The following SMG6 variants were observed in gnomAD, a reference collection of about 807,000 sequenced individuals.
The protein encoded by SMG6 is SMG6 nonsense mediated mRNA decay factor, also known as telomerase-binding protein EST1A.
SMG6 carries 66 observed loss-of-function variants against 142.2 expected under a neutral mutation model. That is an observed-to-expected ratio of 0.46 (90% CI 0.38 to 0.57). The LOEUF is 0.57. SMG6 is among the 20% of genes least tolerant of loss of function. SMG6 has a pLI of 0.00. For missense variants in SMG6, 1,793 were observed against 1,832.0 expected (o/e 0.98, Z 0.39); for synonymous variants, 779 against 702.4 (o/e 1.11, Z -1.72).
intron 13 of SMG6, among the ~76,000 whole-genome samples, chr17:2,119,460 C>G (rs2069614439): frequency 6.6e-6 from 1 of 152,014 alleles, no homozygotes. Context: ...TTCCATAGTG[C>G]TGGGATTATA....
intron 13 of SMG6, among the ~76,000 whole-genome samples, chr17:2,109,249 G>A (rs1401234955): frequency 6.6e-6 from 1 of 152,086 alleles, no homozygotes; most frequent in Non-Finnish European, 1.5e-5. Context: ...CCAAAAAGCT[G>A]CTGTTAGAAT....
At chr17:2,135,942 C>CA (rs58568636) in intron 13 of SMG6, among the ~76,000 whole-genome samples, 112,320 of 150,980 alleles carry the variant, frequency 0.74, 42,683 homozygotes, top group African/African-American at 0.88. Flanking sequence ...ACTGGCCTCT[C>CA]AAAGTGCTGG....
At chr17:2,167,554 G>GT (rs763039911) in intron 13 of SMG6, among the ~76,000 whole-genome samples, 10 of 152,172 alleles carry the variant, frequency 6.6e-5, no homozygotes, top group Non-Finnish European at 2.9e-5. Flanking sequence ...CTTCACCGGG[G>GT]TATTACCAGC....
intron 15 of SMG6, among the ~76,000 whole-genome samples, chr17:2,075,093 G>A (rs879327931): frequency 6.6e-6 from 1 of 152,218 alleles, no homozygotes; most frequent in Admixed American, 6.5e-5. Flanking sequence ...CCCCCGGCCT[G>A]GTGCTGTGCT....
In SMG6 at chr17:2,086,943, T is replaced by G. The variant is rs373219656; in HGVS notation, c.3358-1042A>C. 5 of 1,208,236 alleles carry G rather than the reference T, an allele frequency of 4.1e-6. No individual in the cohort carries two copies. The African/African-American group carries it at 7.8e-5, about 19-fold the overall frequency. 74.8% of individuals were successfully genotyped at this position (1,208,236 alleles called of 1,614,324 possible). A position where few individuals can be genotyped will look rare whatever the true frequency, so the allele number is the denominator to read the frequency against. On this transcript the variant is annotated intron_variant, in intron 13 of 18. Coordinates refer to ENST00000263073, the MANE Select transcript of SMG6 (RefSeq NM_017575.5). ...GGAAACACACGTCCGTGGCCAGACG[T>G]GCCACAGGGGACGGCCCCTTCATCC...
intron 6 of SMG6, among the ~76,000 whole-genome samples, chr17:2,286,955 A>G (rs1472711712): frequency 4.5e-5 from 6 of 132,274 alleles, no homozygotes; most frequent in African/African-American, 1.7e-4. Flanking sequence ...TTTTTGAGAC[A>G]GAGTCTCGCT....
At chr17:2,162,295 G>A (rs990883640) in intron 13 of SMG6, among the ~76,000 whole-genome samples, 1 of 151,980 alleles carries the variant, frequency 6.6e-6, no homozygotes, top group African/African-American at 2.4e-5. Flanking sequence ...GCCAGATCAC[G>A]AGGTCAGGAG....
chr17:2,210,992 C>T (rs776517248), intron 10 of SMG6, among the ~76,000 whole-genome samples: 86 of 151,668 alleles, frequency 5.7e-4, no homozygotes, highest in Non-Finnish European at 1.2e-3. Context: ...CCTGAACAAA[C>T]TGCCGGGGTA....
intron 13 of SMG6, among the ~76,000 whole-genome samples, chr17:2,134,245 C>T (rs748198449): frequency 1.3e-5 from 2 of 151,260 alleles, no homozygotes; most frequent in East Asian, 1.9e-4. Context: ...CGGTGAAACC[C>T]CATCTCTACT....
chr17:2,210,386 G>C (rs1002840273), intron 10 of SMG6, among the ~76,000 whole-genome samples: 5 of 151,398 alleles, frequency 3.3e-5, no homozygotes, highest in Admixed American at 3.3e-4. Context: ...CTCTTGAGTA[G>C]CTGGGACTAC....
intron 13 of SMG6, among the ~76,000 whole-genome samples, chr17:2,154,001 GA>G (rs1413568086): frequency 1.3e-4 from 17 of 130,380 alleles, no homozygotes; most frequent in African/African-American, 1.5e-4. Context: ...GGTGACTGGG[GA>G]AACCTGGGGA....
intron 13 of SMG6, among the ~76,000 whole-genome samples, chr17:2,113,634 T>A (rs1252837267): frequency 2.0e-5 from 3 of 152,208 alleles, no homozygotes; most frequent in African/African-American, 7.2e-5. Context: ...AACAGCTAGA[T>A]CATCTAAAAC....
At chr17:2,201,661 A>G (rs1374878766) in intron 10 of SMG6, among the ~76,000 whole-genome samples, 2 of 150,330 alleles carry the variant, frequency 1.3e-5, no homozygotes. Context: ...CCTGGGTGAC[A>G]AAGTGAGACT....
chr17:2,088,200 T>C, intron 13 of SMG6: 2 of 985,410 alleles, frequency 2.0e-6, no homozygotes, highest in South Asian at 4.7e-5. Flanking sequence ...GTGTTGCTGC[T>C]GCTAGAGCAC....
intron 9 of SMG6, among the ~76,000 whole-genome samples, chr17:2,241,710 A>C (rs1478098785): frequency 6.6e-6 from 1 of 152,150 alleles, no homozygotes; most frequent in Non-Finnish European, 1.5e-5. Context: ...CTTTTTCATC[A>C]TTACTGTGGT....
intron 13 of SMG6, among the ~76,000 whole-genome samples, chr17:2,095,856 C>G (rs150658766): frequency 1.3e-5 from 2 of 149,602 alleles, no homozygotes; most frequent in East Asian, 2.0e-4. Context: ...ACCCCTCCCC[C>G]CAAAGATCAC....
chr17:2,292,121 T>C (rs1567754851), intron 6 of SMG6, among the ~76,000 whole-genome samples: 1 of 152,064 alleles, frequency 6.6e-6, no homozygotes. Context: ...TTAAAAGAAG[T>C]AACAGGGTCT....
At chr17:2,200,694 A>T (rs71359149) in intron 10 of SMG6, among the ~76,000 whole-genome samples, 5 of 152,022 alleles carry the variant, frequency 3.3e-5, no homozygotes, top group Non-Finnish European at 7.4e-5. Flanking sequence ...ACACACATAC[A>T]CACAATTTAA....
At chr17:2,189,219 C>T (rs555348146) in intron 10 of SMG6, among the ~76,000 whole-genome samples, 1 of 152,326 alleles carries the variant, frequency 6.6e-6, no homozygotes, top group South Asian at 2.1e-4. Flanking sequence ...TACCCTCTTC[C>T]CGTCACTTTT....
Sources: gnomAD v4.1 joint callset for allele counts (sites outside exome capture counted in the v4.1 genomes callset) on GRCh38, gnomAD v4.1.1 for gene constraint, MANE v1.5 for transcripts, NCBI Gene and HGNC (gene_info 2026-07-23, HGNC 2026-07-21) for gene names.